The following SLC4A10 variants were observed in gnomAD, a reference collection of about 807,000 sequenced individuals.
SLC4A10 encodes the protein sodium-driven chloride bicarbonate exchanger.
In SLC4A10, 42 loss-of-function variants were observed where a neutral mutation model predicts 137.7. The ratio of observed to expected loss-of-function variants is 0.30; its 90% CI spans 0.24 to 0.39. The LOEUF (loss-of-function observed/expected upper bound fraction) is 0.39. SLC4A10 is among the 10% of genes least tolerant of loss of function. SLC4A10 has a pLI of 1.00. For synonymous variants in SLC4A10, 474 were observed against 464.1 expected, an observed-to-expected ratio of 1.02 and a Z score of -0.27; for missense variants, 925 against 1,355.0, an observed-to-expected ratio of 0.68 and a Z score of 4.98.
intron 3 of SLC4A10, among the ~76,000 whole-genome samples, chr2:161,833,071 G>A (rs536669134): frequency 3.9e-5 from 6 of 152,196 alleles, no homozygotes; most frequent in African/African-American, 1.4e-4. Flanking sequence ...AACAATTTTA[G>A]AGATACATAC....
intron 3 of SLC4A10, among the ~76,000 whole-genome samples, chr2:161,818,183 CG>C (rs940840176): frequency 4.6e-5 from 7 of 152,148 alleles, no homozygotes; most frequent in Admixed American, 4.6e-4. Context: ...TTCTCCTTGA[CG>C]AGGTCCTTCG....
At chr2:161,978,403 A>AAG (rs1699739823) in intron 26 of SLC4A10, among the ~76,000 whole-genome samples, 1 of 126,388 alleles carries the variant, frequency 7.9e-6, no homozygotes, top group Non-Finnish European at 1.8e-5. Flanking sequence ...AAAAAAAAAG[A>AAG]AAAGAAAAAG....
At chr2:161,887,261 T>A (rs2062411410) in intron 10 of SLC4A10, among the ~76,000 whole-genome samples, 1 of 152,330 alleles carries the variant, frequency 6.6e-6, no homozygotes, top group South Asian at 2.1e-4. Flanking sequence ...TACGCAGTAG[T>A]ACGTTTATAT....
intron 1 of SLC4A10, among the ~76,000 whole-genome samples, chr2:161,754,040 C>G (rs1035942931): frequency 1.1e-4 from 16 of 151,910 alleles, no homozygotes. Flanking sequence ...TAGGTATGTG[C>G]CACCACACTC....
chr2:161,792,847 G>A (rs2054355535), intron 2 of SLC4A10, among the ~76,000 whole-genome samples: 1 of 152,048 alleles, frequency 6.6e-6, no homozygotes, highest in African/African-American at 2.4e-5. Flanking sequence ...GGGTGCTTGA[G>A]TTCTAGAACC....
At chr2:161,824,779 G>T (rs141574658) in intron 3 of SLC4A10, among the ~76,000 whole-genome samples, 1 of 152,096 alleles carries the variant, frequency 6.6e-6, no homozygotes, top group Admixed American at 6.6e-5. Context: ...AAGAAGGATC[G>T]CATCTCATGG....
At chr2:161,645,288 T>G (rs1296966074) in intron 1 of SLC4A10, among the ~76,000 whole-genome samples, 1 of 152,062 alleles carries the variant, frequency 6.6e-6, no homozygotes, top group Non-Finnish European at 1.5e-5. Flanking sequence ...TATGGAAATC[T>G]TATTAAAAAT....
At chr2:161,624,798 CAT>C (rs1045242522) in intron 1 of SLC4A10, among the ~76,000 whole-genome samples, 1 of 151,864 alleles carries the variant, frequency 6.6e-6, no homozygotes, top group African/African-American at 2.4e-5. Flanking sequence ...TGAAATGTCT[CAT>C]GTTTGCTGCT....
chr2:161,857,037 G>A (rs1327010049), intron 5 of SLC4A10, among the ~76,000 whole-genome samples: 1 of 152,116 alleles, frequency 6.6e-6, no homozygotes, highest in African/African-American at 2.4e-5. Context: ...CTTAAATTAT[G>A]TAATTTCTAA....
intron 1 of SLC4A10, among the ~76,000 whole-genome samples, chr2:161,693,585 T>C (rs1269284665): frequency 6.6e-6 from 1 of 151,886 alleles, no homozygotes. Flanking sequence ...TCAAAGTTTG[T>C]ACCATTTGAC....
intron 1 of SLC4A10, among the ~76,000 whole-genome samples, chr2:161,659,588 T>C (rs2105683368): frequency 6.6e-6 from 1 of 152,182 alleles, no homozygotes; most frequent in East Asian, 1.9e-4. Flanking sequence ...TTATGCAACA[T>C]ATCAATGGAA....
chr2:161,672,377 A>C (rs1327010727), intron 1 of SLC4A10, among the ~76,000 whole-genome samples: 5 of 152,178 alleles, frequency 3.3e-5, no homozygotes, highest in African/African-American at 9.6e-5. Flanking sequence ...ATAAGGAATG[A>C]AGTGACAAAA....
At chr2:161,644,580 T>C (rs1225155593) in intron 1 of SLC4A10, among the ~76,000 whole-genome samples, 1 of 152,230 alleles carries the variant, frequency 6.6e-6, no homozygotes, top group African/African-American at 2.4e-5. Context: ...TTAGATTGAC[T>C]CTATGAATGG....
intron 1 of SLC4A10, among the ~76,000 whole-genome samples, chr2:161,646,335 C>T (rs942476878): frequency 6.6e-6 from 1 of 151,888 alleles, no homozygotes; most frequent in Non-Finnish European, 1.5e-5. Context: ...TGATGTTCTT[C>T]AATTTTAGGA....
At chr2:161,677,132 G>A (rs1204918015) in intron 1 of SLC4A10, among the ~76,000 whole-genome samples, 1 of 152,056 alleles carries the variant, frequency 6.6e-6, no homozygotes, top group Non-Finnish European at 1.5e-5. Flanking sequence ...GTGGAAGTGA[G>A]TGAGTTCTTA....
intron 15 of SLC4A10, among the ~76,000 whole-genome samples, chr2:161,921,949 A>G (rs1688217074): frequency 6.6e-6 from 1 of 152,232 alleles, no homozygotes; most frequent in African/African-American, 2.4e-5. Flanking sequence ...TTGTTAAATC[A>G]GTCAGTTGTC....
intron 21 of SLC4A10, among the ~76,000 whole-genome samples, chr2:161,963,200 A>C (rs1448043033): frequency 6.6e-6 from 1 of 152,090 alleles, no homozygotes; most frequent in African/African-American, 2.4e-5. Context: ...GTGTGCATTT[A>C]ATTTATAAAA....
At chr2:161,797,165 T>G (rs567112038) in intron 2 of SLC4A10, among the ~76,000 whole-genome samples, 1 of 152,260 alleles carries the variant, frequency 6.6e-6, no homozygotes, top group African/African-American at 2.4e-5. Flanking sequence ...TTGCTGATTA[T>G]AAAAATATAT....
At position 161,938,956 on chromosome 2, in the gene SLC4A10, A is replaced by G. The variant is rs184345986; in HGVS notation, c.1998-3836A>G. ...AACATTTTTAACAAAATTTTTTAAA[A>G]TTATTTTTAGTGATCCCTCTAAATT... On this transcript the variant is annotated intron_variant, in intron 15 of 26. Coordinates refer to ENST00000446997, the MANE Select transcript of SLC4A10 (RefSeq NM_001178015.2). 3.9e-4 allele frequency among the ~76,000 whole-genome samples: 60 copies of G among 152,298 alleles called. No homozygotes were observed. The East Asian group carries it at 9.2e-3, about 23-fold the overall frequency.
Sources: allele counts gnomAD v4.1 joint callset (sites outside exome capture counted in the v4.1 genomes callset), GRCh38; gene constraint gnomAD v4.1.1; transcripts MANE v1.5; gene names NCBI Gene and HGNC (gene_info 2026-07-23, HGNC 2026-07-21).